Variants in HS3ST4 observed in about 807,000 individuals in gnomAD.
The protein encoded by HS3ST4 is heparan sulfate glucosamine 3-O-sulfotransferase 4.
In HS3ST4, 17 loss-of-function variants were observed where a neutral mutation model predicts 29.2. The ratio of observed to expected loss-of-function variants is 0.58; its 90% CI spans 0.40 to 0.87. The LOEUF (loss-of-function observed/expected upper bound fraction) is 0.87, where lower values mean the gene tolerates loss of function less well. Among genes scored for constraint, HS3ST4 ranks in the 40% least tolerant of loss-of-function variants. HS3ST4 has a pLI of 0.00. For missense variants in HS3ST4, 627 were observed against 634.5 expected (o/e 0.99, Z 0.13); for synonymous variants, 314 against 285.7 (o/e 1.10, Z -1.00).
At chr16:25,832,682 T>G (rs1180677072) in intron 1 of HS3ST4, among the ~76,000 whole-genome samples, 1 of 152,224 alleles carries the variant, frequency 6.6e-6, no homozygotes, top group Admixed American at 6.5e-5. Context: ...AGCCTCGACA[T>G]TAGCATACAT....
At chr16:25,825,156 C>T (rs1374361344) in intron 1 of HS3ST4, among the ~76,000 whole-genome samples, 3 of 152,188 alleles carry the variant, frequency 2.0e-5, no homozygotes, top group Admixed American at 2.0e-4. Flanking sequence ...CGAGATTGCA[C>T]TGATGCATCT....
intron 1 of HS3ST4, among the ~76,000 whole-genome samples, chr16:26,059,919 A>G (rs1479794576): frequency 4.6e-5 from 7 of 152,054 alleles, no homozygotes; most frequent in African/African-American, 1.4e-4. Flanking sequence ...CTGGGATTAC[A>G]GGTGCCTGCC....
At chr16:25,803,875 G>C (rs1205019606) in intron 1 of HS3ST4, among the ~76,000 whole-genome samples, 1 of 152,084 alleles carries the variant, frequency 6.6e-6, no homozygotes, top group Non-Finnish European at 1.5e-5. Flanking sequence ...TGTGTGTCTA[G>C]AAGTGCTTTA....
At chr16:25,697,396 A>G (rs778773849) in intron 1 of HS3ST4, among the ~76,000 whole-genome samples, 2 of 152,256 alleles carry the variant, frequency 1.3e-5, no homozygotes, top group Non-Finnish European at 2.9e-5. Context: ...GTCCAAATTG[A>G]AATGTGCTGT....
At chr16:25,861,016 G>A (rs1226163053) in intron 1 of HS3ST4, among the ~76,000 whole-genome samples, 1 of 152,136 alleles carries the variant, frequency 6.6e-6, no homozygotes, top group Non-Finnish European at 1.5e-5. Flanking sequence ...ATTTTGCTGT[G>A]AACCTAAAAC....
At chr16:25,934,867 C>T (rs564361961) in intron 1 of HS3ST4, among the ~76,000 whole-genome samples, 11 of 152,166 alleles carry the variant, frequency 7.2e-5, no homozygotes, top group African/African-American at 1.9e-4. Context: ...ATTCCCCTGC[C>T]CCCGCAACCA....
At chr16:25,899,782 CA>C in intron 1 of HS3ST4, among the ~76,000 whole-genome samples, 1 of 151,604 alleles carries the variant, frequency 6.6e-6, no homozygotes, top group African/African-American at 2.4e-5. Context: ...GAAAACATGG[CA>C]AAAACCCCAT....
intron 1 of HS3ST4, among the ~76,000 whole-genome samples, chr16:26,103,718 A>G (rs1295580452): frequency 6.6e-6 from 1 of 152,260 alleles, no homozygotes; most frequent in Non-Finnish European, 1.5e-5. Context: ...TGATAAATTT[A>G]GTTAACGACC....
At chr16:25,994,041 C>T (rs1185931591) in intron 1 of HS3ST4, among the ~76,000 whole-genome samples, 3 of 149,148 alleles carry the variant, frequency 2.0e-5, no homozygotes, top group African/African-American at 7.4e-5. Context: ...AATCTGTCTT[C>T]CCCTTCTTAG....
intron 1 of HS3ST4, among the ~76,000 whole-genome samples, chr16:25,788,221 T>A (rs1966860440): frequency 6.6e-6 from 1 of 152,086 alleles, no homozygotes; most frequent in Admixed American, 6.6e-5. Flanking sequence ...GAGACCAGCC[T>A]GGTCAATATG....
At chr16:26,063,814 G>T (rs1390460922) in intron 1 of HS3ST4, among the ~76,000 whole-genome samples, 1 of 152,220 alleles carries the variant, frequency 6.6e-6, no homozygotes, top group Non-Finnish European at 1.5e-5. Flanking sequence ...GAACATCCTA[G>T]CTGATTGCAT....
chr16:26,094,249 A>G (rs1460906116), intron 1 of HS3ST4, among the ~76,000 whole-genome samples: 3 of 152,224 alleles, frequency 2.0e-5, no homozygotes, highest in Non-Finnish European at 4.4e-5. Flanking sequence ...ATTCAAATTC[A>G]GGAAATGCAG....
At chr16:25,982,460 T>A (rs955707285) in intron 1 of HS3ST4, among the ~76,000 whole-genome samples, 2 of 152,222 alleles carry the variant, frequency 1.3e-5, no homozygotes, top group Non-Finnish European at 2.9e-5. Context: ...CTGGATTTAC[T>A]TTTTGGGGCC....
intron 1 of HS3ST4, among the ~76,000 whole-genome samples, chr16:25,989,214 C>T (rs1035951760): frequency 6.6e-6 from 1 of 152,132 alleles, no homozygotes; most frequent in African/African-American, 2.4e-5. Context: ...AGTCTGTTTA[C>T]ACCTCCAGTT....
chr16:26,116,439 G>A (rs1287566124), intron 1 of HS3ST4, among the ~76,000 whole-genome samples: 1 of 152,192 alleles, frequency 6.6e-6, no homozygotes, highest in Non-Finnish European at 1.5e-5. Context: ...CATAGTACCA[G>A]GAGGTGGGGA....
intron 1 of HS3ST4, among the ~76,000 whole-genome samples, chr16:25,893,474 G>C (rs775727977): frequency 3.3e-5 from 5 of 152,120 alleles, no homozygotes; most frequent in Non-Finnish European, 7.3e-5. Context: ...AAGGGATCCC[G>C]TTGGTCAGCC....
intron 1 of HS3ST4, among the ~76,000 whole-genome samples, chr16:25,760,825 T>G (rs1468736972): frequency 6.6e-6 from 1 of 152,120 alleles, no homozygotes; most frequent in Non-Finnish European, 1.5e-5. Context: ...AATGTTTATT[T>G]TGTGGGGAGA....
chr16:25,758,149 C>T (rs773630097), intron 1 of HS3ST4, among the ~76,000 whole-genome samples: 8 of 152,266 alleles, frequency 5.3e-5, no homozygotes, highest in South Asian at 2.1e-4. Flanking sequence ...CACCCTCAAA[C>T]GGGAGAGAGA....
intron 1 of HS3ST4, among the ~76,000 whole-genome samples, chr16:26,049,547 A>G (rs1231743314): frequency 6.6e-6 from 1 of 151,636 alleles, no homozygotes; most frequent in Non-Finnish European, 1.5e-5. Context: ...CTTTTACCTC[A>G]CAACAGTCAA....
Sources: gnomAD v4.1 joint callset for allele counts (sites outside exome capture counted in the v4.1 genomes callset) on GRCh38, gnomAD v4.1.1 for gene constraint, MANE v1.5 for transcripts, NCBI Gene and HGNC (gene_info 2026-07-23, HGNC 2026-07-21) for gene names.